RTN1: variants seen among roughly 807,000 people sequenced by gnomAD.
The protein encoded by RTN1 is reticulon-1.
Under a neutral mutation model 65.5 loss-of-function variants are expected in RTN1, and 25 were observed. That is an observed-to-expected ratio of 0.38 (90% CI 0.28 to 0.53). RTN1 has a LOEUF of 0.53. Among genes scored for constraint, RTN1 ranks in the 20% least tolerant of loss-of-function variants. RTN1 has a pLI of 0.79. For synonymous variants in RTN1, 471 were observed against 447.6 expected (o/e 1.05, Z -0.66); for missense variants, 983 against 1,025.4 (o/e 0.96, Z 0.57).
intron 3 of RTN1, 79 bp downstream of exon 3, chr14:59,726,840 G>T: frequency 7.7e-7 from 1 of 1,300,928 alleles, no homozygotes; most frequent in Non-Finnish European, 1.1e-6. Context: ...CCAGGGCTGA[G>T]CCAGAACCGC....
At chr14:59,770,143 C>A (rs1267441770) in intron 1 of RTN1, among the ~76,000 whole-genome samples, 1 of 151,670 alleles carries the variant, frequency 6.6e-6, no homozygotes, top group Non-Finnish European at 1.5e-5. Flanking sequence ...TTTGGGAGGC[C>A]GAGGTGGGCA....
intron 3 of RTN1, among the ~76,000 whole-genome samples, chr14:59,665,615 C>T (rs1216032493): frequency 6.6e-6 from 1 of 152,124 alleles, no homozygotes; most frequent in Non-Finnish European, 1.5e-5. Context: ...TGTAAATGGG[C>T]TAAATGCCCC....
At position 59,870,382 on chromosome 14, in the gene RTN1, C is replaced by T; in HGVS notation, c.241+8G>A. The T allele has an allele frequency of 6.6e-7, 1 of 1,510,922 alleles. No individual in the cohort carries two copies. The highest frequency in any genetic ancestry group is 8.8e-7 in the Non-Finnish European group (1 of 1,141,060). The allele number at this position is 1,510,922 out of a possible 1,614,324, so 93.6% of individuals were successfully genotyped here. On this transcript the variant is annotated splice_region_variant and intron_variant, in intron 1 of 8. Coordinates refer to ENST00000267484, the MANE Select transcript of RTN1 (RefSeq NM_021136.3). This position sits in a 1 kb window ranked among gnomAD's most constrained non-coding sequence, Gnocchi z 5.1. ...ACGCCATTTGAGGGGCAGCGGCGCC[C>T]GCCTTACCTGTGGATGCAGTTTCCA...
At chr14:59,767,119 A>G (rs575636537) in intron 1 of RTN1, among the ~76,000 whole-genome samples, 18 of 152,186 alleles carry the variant, frequency 1.2e-4, no homozygotes, top group Admixed American at 2.0e-4. Context: ...TCCCTTTAGT[A>G]AGTCCTCTCC....
intron 3 of RTN1, among the ~76,000 whole-genome samples, chr14:59,656,069 G>A (rs80201074): frequency 0.019 from 2,894 of 152,240 alleles, 94 homozygotes; most frequent in African/African-American, 0.066. Context: ...AAGGAAGGAA[G>A]TATTTTGAAT....
rs1015059286 is a variant in RTN1 at position 59,870,719 on chromosome 14, G to C, written c.-89C>G. The C allele has an allele frequency of 8.0e-7, 1 of 1,253,420 alleles. No homozygotes were observed. The highest frequency in any genetic ancestry group is 1.6e-5 in the African/African-American group (1 of 63,542). 77.6% of individuals were successfully genotyped at this position (1,253,420 alleles called of 1,614,324 possible). ...GCGCTCCCTGCTGCTGTCCCCGGAG[G>C]GACTCGGCGCTCAGGGAAGCTGCGG... On this transcript the variant is annotated 5_prime_UTR_variant, in exon 1 of 9. Coordinates refer to ENST00000267484, the MANE Select transcript of RTN1 (RefSeq NM_021136.3). This position sits in a 1 kb window ranked among gnomAD's most constrained non-coding sequence, Gnocchi z 5.1.
chr14:59,857,347 A>G (rs968250078), intron 1 of RTN1, among the ~76,000 whole-genome samples: 4 of 152,128 alleles, frequency 2.6e-5, no homozygotes, highest in Non-Finnish European at 4.4e-5. Flanking sequence ...TTCTTTATCT[A>G]CAGTTGCCAA....
At chr14:59,807,653 G>A (rs1473177956) in intron 1 of RTN1, among the ~76,000 whole-genome samples, 2 of 152,194 alleles carry the variant, frequency 1.3e-5, no homozygotes, top group Non-Finnish European at 2.9e-5. Flanking sequence ...TGAGTCATAA[G>A]AGGGAAAAGC....
chr14:59,665,330 C>T (rs1432789114), intron 3 of RTN1, among the ~76,000 whole-genome samples: 1 of 152,126 alleles, frequency 6.6e-6, no homozygotes, highest in Admixed American at 6.5e-5. Flanking sequence ...AATTTCATAA[C>T]CAGCCAAACT....
intron 2 of RTN1, among the ~76,000 whole-genome samples, chr14:59,740,073 T>C (rs1424382858): frequency 6.6e-6 from 1 of 152,186 alleles, no homozygotes; most frequent in East Asian, 1.9e-4. Flanking sequence ...GTATTTGCTG[T>C]GTGATGATTT....
At chr14:59,671,440 A>G (rs958469565) in intron 3 of RTN1, among the ~76,000 whole-genome samples, 2 of 152,204 alleles carry the variant, frequency 1.3e-5, no homozygotes, top group Non-Finnish European at 2.9e-5. Context: ...ATTCCACACT[A>G]AAAAGAATGA....
At chr14:59,630,730 G>A (rs539133378) in intron 3 of RTN1, 4 of 1,109,232 alleles carry the variant, frequency 3.6e-6, no homozygotes, top group Non-Finnish European at 4.4e-6. Flanking sequence ...CCGCCTGCGC[G>A]CATGGGGATG....
intron 3 of RTN1, among the ~76,000 whole-genome samples, chr14:59,672,630 T>TA (rs1883532097): frequency 8.9e-6 from 1 of 112,936 alleles, no homozygotes; most frequent in East Asian, 2.2e-4. Flanking sequence ...TATTTCTTTT[T>TA]TTTTTTTTTT....
intron 3 of RTN1, among the ~76,000 whole-genome samples, chr14:59,714,232 T>TAAAAA (rs66785056): frequency 1.6e-5 from 2 of 127,958 alleles, no homozygotes. Context: ...AGACTCCGTC[T>TAAAAA]AAAAAAAAAA....
chr14:59,749,176 CTATATATCTATCTATATA>C lies in RTN1; in HGVS notation c.242-2713_242-2696del, dbSNP rs1566711009. On this transcript the variant is annotated intron_variant, in intron 1 of 8. Coordinates refer to ENST00000267484, the MANE Select transcript of RTN1 (RefSeq NM_021136.3). ...TATCTATATCTATCTATATATCTAT[CTATATATCTATCTATATA>C]TATCTATATATATATCTATATATAT... Among the ~76,000 whole-genome samples, 357 of 103,388 alleles carry C rather than the reference CTATATATCTATCTATATA, an allele frequency of 3.5e-3. 60 individuals carry two copies. The highest frequency in any genetic ancestry group is 0.018 in the African/African-American group (342 of 18,962). 67.8% of individuals were successfully genotyped at this position (103,388 alleles called of 152,430 possible). A position where few individuals can be genotyped will look rare whatever the true frequency, so the allele number is the denominator to read the frequency against.
At chr14:59,667,047 C>T (rs939744789) in intron 3 of RTN1, among the ~76,000 whole-genome samples, 9 of 149,702 alleles carry the variant, frequency 6.0e-5, no homozygotes, top group Non-Finnish European at 1.0e-4. Flanking sequence ...GGAGCTGGTA[C>T]CATTCCTTCT....
intron 3 of RTN1, among the ~76,000 whole-genome samples, chr14:59,693,250 T>C (rs903233024): frequency 6.6e-6 from 1 of 152,226 alleles, no homozygotes; most frequent in African/African-American, 2.4e-5. Flanking sequence ...AAAACAAAGA[T>C]AACTTTTTGC....
intron 1 of RTN1, among the ~76,000 whole-genome samples, chr14:59,797,021 T>C (rs1048038155): frequency 3.9e-5 from 6 of 152,204 alleles, no homozygotes; most frequent in Middle Eastern, 3.2e-3. Context: ...TTATAATCTA[T>C]GAATAACTTA....
At chr14:59,701,737 T>A (rs548870032) in intron 3 of RTN1, among the ~76,000 whole-genome samples, 1 of 152,240 alleles carries the variant, frequency 6.6e-6, no homozygotes, top group South Asian at 2.1e-4. Context: ...TTTGGGGTGA[T>A]GAAATTTTTT....
Sources: allele counts gnomAD v4.1 joint callset (sites outside exome capture counted in the v4.1 genomes callset), GRCh38; gene constraint gnomAD v4.1.1; non-coding constraint Gnocchi (gnomAD v3.1); transcripts MANE v1.5; gene names NCBI Gene and HGNC (gene_info 2026-07-23, HGNC 2026-07-21).